Variants in ARHGAP18 observed in about 807,000 individuals in gnomAD.
The protein encoded by ARHGAP18 is rho GTPase-activating protein 18.
ARHGAP18 carries 67 observed loss-of-function variants against 86.2 expected under a neutral mutation model. The ratio of observed to expected loss-of-function variants is 0.78; its 90% confidence interval spans 0.64 to 0.95. ARHGAP18 has a LOEUF of 0.95. Among genes scored for constraint, ARHGAP18 ranks in the 40% least tolerant of loss-of-function variants. The pLI is 0.00. For missense variants in ARHGAP18, 691 were observed against 780.4 expected (o/e 0.89, Z 1.37); for synonymous variants, 283 against 280.4 (o/e 1.01, Z -0.09).
chr6:129,695,236 A>G (rs1419419792), intron 1 of ARHGAP18, among the ~76,000 whole-genome samples: 3 of 152,008 alleles, frequency 2.0e-5, no homozygotes, highest in African/African-American at 7.2e-5. Context: ...AGGATATTAT[A>G]TGTTACAAGA....
At chr6:129,628,194 C>T (rs937181189) in intron 5 of ARHGAP18, among the ~76,000 whole-genome samples, 3 of 152,146 alleles carry the variant, frequency 2.0e-5, no homozygotes, top group African/African-American at 2.4e-5. Context: ...ATACAATTTG[C>T]TGCTAAAAAG....
intron 11 of ARHGAP18, 114 bp downstream of exon 11, chr6:129,600,528 T>A: frequency 1.2e-6 from 1 of 823,484 alleles, no homozygotes; most frequent in Admixed American, 2.9e-5. Flanking sequence ...ATGAATAAAA[T>A]GTTTTTAATA....
chr6:129,625,428 T>A (rs181338724), intron 5 of ARHGAP18, among the ~76,000 whole-genome samples: 1 of 39,462 alleles, frequency 2.5e-5, no homozygotes, highest in Non-Finnish European at 4.2e-5. Context: ...TAATATATAT[T>A]ATATATAATA....
intron 1 of ARHGAP18, among the ~76,000 whole-genome samples, chr6:129,702,610 T>A (rs562901526): frequency 8.5e-5 from 13 of 152,150 alleles, no homozygotes; most frequent in African/African-American, 2.4e-4. Flanking sequence ...TGTTAGTGAC[T>A]CCCACTGAGA....
chr6:129,676,795 T>C (rs777886273), intron 1 of ARHGAP18, among the ~76,000 whole-genome samples: 17 of 151,580 alleles, frequency 1.1e-4, no homozygotes, highest in Non-Finnish European at 2.5e-4. Flanking sequence ...AAAAAAGTTA[T>C]ACCAAACGAG....
In ARHGAP18 at chr6:129,638,577, G is replaced by A. The variant is rs146587551; in HGVS notation, c.369C>T (p.Phe123=). ...CCTGTGGATCTCCAGCAGACTCTCCGAAGAGATTGGATAAACCGGCCTCTT... is the reference window on the plus strand; with the variant it reads ...CCTGTGGATCTCCAGCAGACTCTCCAAAGAGATTGGATAAACCGGCCTCTT... ...WLKEAGLSNL[F]GESAGDPQES... is the part of the protein sequence containing the mutation. The change falls in exon 3 of 15, where the codon TTC becomes TTT. Residue 123 remains phenylalanine (F), a synonymous_variant. Transcript: ENST00000368149. The A allele has an allele frequency of 1.0e-4, 164 of 1,613,990 alleles. No homozygotes were observed. Among genetic ancestry groups the A allele is most frequent in the Non-Finnish European group, 1.2e-4 (143 of 1,180,030 alleles).
intron 12 of ARHGAP18, among the ~76,000 whole-genome samples, chr6:129,584,943 G>A (rs541801772): frequency 2.0e-5 from 3 of 150,378 alleles, no homozygotes; most frequent in African/African-American, 7.4e-5. Flanking sequence ...ACCAGATATT[G>A]TACTAGGTTT....
At position 129,707,809 on chromosome 6, in the gene ARHGAP18, A is replaced by T. The variant is rs147793804; in HGVS notation, c.113+2215T>A. On this transcript the variant is annotated intron_variant, in intron 1 of 14. Transcript: ENST00000368149. ...TGAGCCATCACACCCAGCCTAATGT[A>T]GCCTTTTTAAGAGTTTTGTTTTGTT... Among the ~76,000 whole-genome samples, 3 of 152,002 alleles carry T rather than the reference A, an allele frequency of 2.0e-5. No individual in the cohort carries two copies. The East Asian group carries it at 5.8e-4, about 29-fold the overall frequency.
chr6:129,673,353 CAAA>C (rs201938074), intron 1 of ARHGAP18, among the ~76,000 whole-genome samples: 1 of 81,720 alleles, frequency 1.2e-5, no homozygotes. Flanking sequence ...ATAGTCATGC[CAAA>C]AAAAAAAAAA....
intron 1 of ARHGAP18, among the ~76,000 whole-genome samples, chr6:129,651,910 T>C (rs1162594245): frequency 1.3e-5 from 2 of 152,160 alleles, no homozygotes; most frequent in Admixed American, 6.5e-5. Flanking sequence ...AGGGAGGGGA[T>C]TCATGCTCTT....
At chr6:129,582,448 T>A (rs541073336) in intron 13 of ARHGAP18, among the ~76,000 whole-genome samples, 4 of 152,154 alleles carry the variant, frequency 2.6e-5, no homozygotes, top group African/African-American at 4.8e-5. Context: ...GCTGCTTATA[T>A]CTGAAGTCTG....
In ARHGAP18 at chr6:129,605,945, T is replaced by C; in HGVS notation, c.1297A>G (p.Lys433Glu). The change falls in exon 10 of 15, where the codon AAG becomes GAG. Residue 433 changes from lysine (K) to glutamate (E), a missense_variant. Transcript: ENST00000368149. ...AGGTTCAAAGCCTGTAGTTGCTGCT[T>C]CTTGGTTGGAAGATCTGCAGACAAA... ...FQAVQNLPTKKQQLQALNLLV... is the reference protein window; with the variant it reads ...FQAVQNLPTKEQQLQALNLLV... 6.2e-7 allele frequency: 1 copy of C among 1,613,504 alleles called. No homozygotes were observed. Among genetic ancestry groups the C allele is most frequent in the South Asian group, 1.1e-5 (1 of 91,072 alleles).
intron 1 of ARHGAP18, among the ~76,000 whole-genome samples, chr6:129,651,000 T>C (rs745469652): frequency 6.6e-6 from 1 of 152,212 alleles, no homozygotes; most frequent in Admixed American, 6.5e-5. Context: ...TATGTGTTCC[T>C]TGGGGGCAAG....
At chr6:129,590,352 G>T (rs1243954348) in intron 12 of ARHGAP18, among the ~76,000 whole-genome samples, 1 of 152,152 alleles carries the variant, frequency 6.6e-6, no homozygotes, top group Admixed American at 6.5e-5. Context: ...CACCACATCT[G>T]ACCCAGGAAT....
chr6:129,603,899 A>G (rs915134968), intron 10 of ARHGAP18, among the ~76,000 whole-genome samples: 5 of 152,190 alleles, frequency 3.3e-5, no homozygotes, highest in African/African-American at 1.2e-4. Context: ...GCAATATTCC[A>G]AACAACCATG....
rs534324472 is a variant in ARHGAP18 at position 129,643,440 on chromosome 6, G to T, written c.114-1422C>A. Among the ~76,000 whole-genome samples the T allele has an allele frequency of 1.1e-4, 16 of 152,190 alleles. No homozygotes were observed. The East Asian group carries it at 2.9e-3, about 28-fold the overall frequency. ...TCCTTGTTGCCATCATGTGAATAAG[G>T]GTGTGTTTGCCTCCCTTTCTGCCAT... On this transcript the variant is annotated intron_variant, in intron 1 of 14. Transcript: ENST00000368149.
At chr6:129,602,898 G>C (rs1183336123) in intron 10 of ARHGAP18, among the ~76,000 whole-genome samples, 1 of 151,982 alleles carries the variant, frequency 6.6e-6, no homozygotes, top group Admixed American at 6.6e-5. Context: ...GAATAAGAGA[G>C]AGAGTTGACA....
At chr6:129,594,189 C>T (rs577862676) in intron 12 of ARHGAP18, among the ~76,000 whole-genome samples, 7 of 152,220 alleles carry the variant, frequency 4.6e-5, no homozygotes, top group Non-Finnish European at 4.4e-5. Context: ...GGCAATCTAG[C>T]TTTTTCCATA....
At chr6:129,678,326 C>A (rs894092011) in intron 1 of ARHGAP18, among the ~76,000 whole-genome samples, 4 of 152,208 alleles carry the variant, frequency 2.6e-5, no homozygotes, top group Admixed American at 1.3e-4. Flanking sequence ...CTATTGATCT[C>A]TTTTCCAAAT....
Sources: allele counts gnomAD v4.1 joint callset (sites outside exome capture counted in the v4.1 genomes callset), GRCh38; gene constraint gnomAD v4.1.1; transcripts MANE v1.5; gene names NCBI Gene and HGNC (gene_info 2026-07-23, HGNC 2026-07-21).